Variants in KLRC1 observed in about 807,000 individuals in gnomAD.
KLRC1 encodes the protein killer cell lectin like receptor C1.
A neutral mutation model predicts 25.9 loss-of-function variants in KLRC1; 22 were observed. The ratio of observed to expected loss-of-function variants is 0.85; its 90% CI spans 0.61 to 1.21. The LOEUF (loss-of-function observed/expected upper bound fraction) is 1.21. Among genes scored for constraint, KLRC1 ranks in the 50% most tolerant of loss-of-function variants. The pLI is 0.00. For synonymous variants in KLRC1, 77 were observed against 93.1 expected, an observed-to-expected ratio of 0.83 and a Z score of 0.99; for missense variants, 240 against 272.2, an observed-to-expected ratio of 0.88 and a Z score of 0.83.
chr12:10,451,279 A>T lies in KLRC1; in HGVS notation c.-31-92T>A, dbSNP rs992565303. ...GGGTGAGGTGGAGAACGAGTATTGG[A>T]GCTCATTTTGCATTAAATAATCTAA... On this transcript the variant is annotated intron_variant, in intron 1 of 6. Transcript: ENST00000359151. The T allele has an allele frequency of 1.6e-5, 10 of 616,718 alleles. No individual in the cohort carries two copies. The African/African-American group carries it at 1.9e-4, about 12-fold the overall frequency. 38.2% of individuals were successfully genotyped at this position (616,718 alleles called of 1,614,324 possible).
intron 3 of KLRC1, 57 bp downstream of exon 3, chr12:10,450,427 G>T: frequency 1.1e-6 from 1 of 910,608 alleles, no homozygotes; most frequent in South Asian, 1.4e-5. Flanking sequence ...AATGTTTAGA[G>T]GCACATTCAA....
chr12:10,449,671 A>C (rs577384046), intron 4 of KLRC1, among the ~76,000 whole-genome samples: 47 of 152,246 alleles, frequency 3.1e-4, no homozygotes, highest in African/African-American at 1.1e-3. Flanking sequence ...CTGATTTTTA[A>C]GGAACAATAA....
Position 10,446,440 on chromosome 12 carries a change from T to A in KLRC1, c.*111A>T. 1 of 1,432,856 alleles carries A rather than the reference T, an allele frequency of 7.0e-7. No individual in the cohort carries two copies. The highest frequency in any genetic ancestry group is 9.2e-7 in the Non-Finnish European group (1 of 1,085,486). The allele number at this position is 1,432,856 out of a possible 1,614,324, so 88.8% of individuals were successfully genotyped here. On this transcript the variant is annotated 3_prime_UTR_variant, in exon 7 of 7. Coordinates refer to ENST00000359151, the MANE Select transcript of KLRC1 (RefSeq NM_002259.5). Reference sequence around the variant, plus strand: ...TTTCAATAATTGATTTAGAATTTTCTTATTAGAGCAAATAACATAATTCAT... The same window carrying A: ...TTTCAATAATTGATTTAGAATTTTCATATTAGAGCAAATAACATAATTCAT...
intron 1 of KLRC1, among the ~76,000 whole-genome samples, chr12:10,451,655 C>CAA (rs5796395): frequency 1.8e-4 from 27 of 147,694 alleles, no homozygotes; most frequent in South Asian, 6.4e-4. Context: ...GACTCCGACT[C>CAA]AAAAAAAAAA....
At chr12:10,454,607 T>TG (rs1483482479), upstream of KLRC1, 4 of 985,322 alleles carry the variant, frequency 4.1e-6, no homozygotes, top group Non-Finnish European at 4.8e-6. Flanking sequence ...TCTGTACCTC[T>TG]GGGGCATGCT....
intron 5 of KLRC1, among the ~76,000 whole-genome samples, chr12:10,449,006 A>G (rs1283795315): frequency 6.6e-6 from 1 of 152,226 alleles, no homozygotes; most frequent in East Asian, 1.9e-4. Flanking sequence ...TTGTGGATTG[A>G]AAGCATTTCT....
chr12:10,449,925 C>A lies in KLRC1; in HGVS notation c.326G>T (p.Arg109Ile). 1 of 1,483,464 alleles carries A rather than the reference C, an allele frequency of 6.7e-7. No individual in the cohort carries two copies. Among genetic ancestry groups the A allele is most frequent in the East Asian group, 2.5e-5 (1 of 39,918 alleles). 91.9% of individuals were successfully genotyped at this position (1,483,464 alleles called of 1,614,324 possible). Reference sequence around the variant, plus strand: ...AAATTATTATATACCTTTCTGAGTTCTTGTATTCAGGGAAGAATTGTTGTG... The same window carrying A: ...AAATTATTATATACCTTTCTGAGTTATTGTATTCAGGGAAGAATTGTTGTG... The part of the protein sequence containing the change: ...QRHNNSSLNT[R>I]TQKARHCGHC... The change falls in exon 4 of 7, where the codon AGA becomes ATA. Residue 109 changes from arginine to isoleucine, a missense_variant. Arg to Ile is a moderately conservative substitution (Grantham distance 97). Coordinates refer to ENST00000359151, the MANE Select transcript of KLRC1 (RefSeq NM_002259.5).
Position 10,449,930 on chromosome 12 carries a change from A to T in KLRC1, c.321T>A (p.Asn107Lys), listed in dbSNP as rs776358075. The T allele has an allele frequency of 1.3e-6, 2 of 1,490,794 alleles. No homozygotes were observed. The highest frequency in any genetic ancestry group is 4.9e-5 in the East Asian group (2 of 40,418). The allele number at this position is 1,490,794 out of a possible 1,614,324, so 92.3% of individuals were successfully genotyped here. A position where few individuals can be genotyped will look rare whatever the true frequency, so the allele number is the denominator to read the frequency against. The change falls in exon 4 of 7, where the codon AAT (asparagine) becomes AAA (lysine). Residue 107 changes from asparagine to lysine, a missense_variant. Physicochemically the swap from Asn to Lys is moderately conservative, Grantham distance 94. Coordinates refer to ENST00000359151, the MANE Select transcript of KLRC1 (RefSeq NM_002259.5). Reference sequence around the variant, plus strand: ...ATTATATACCTTTCTGAGTTCTTGTATTCAGGGAAGAATTGTTGTGCCTCT... The same window carrying T: ...ATTATATACCTTTCTGAGTTCTTGTTTTCAGGGAAGAATTGTTGTGCCTCT... ...LIQRHNNSSL[N>K]TRTQKARHCG...
chr12:10,445,834 A>G (rs1178015238), downstream of KLRC1, among the ~76,000 whole-genome samples: 2 of 152,132 alleles, frequency 1.3e-5, no homozygotes, highest in African/African-American at 4.8e-5. Flanking sequence ...ACAAAAGCAT[A>G]AATGTAAAAT....
chr12:10,453,433 A>G (rs984965630), upstream of KLRC1: 13 of 856,984 alleles, frequency 1.5e-5, no homozygotes, highest in Non-Finnish European at 1.8e-5. Flanking sequence ...AATTCTACAC[A>G]TGGGCTATTG....
At chr12:10,448,363 C>T (rs969154810) in intron 5 of KLRC1, among the ~76,000 whole-genome samples, 1 of 152,170 alleles carries the variant, frequency 6.6e-6, no homozygotes, top group African/African-American at 2.4e-5. Flanking sequence ...GGAGGCCCAG[C>T]AAAGCTCACT....
Position 10,450,076 on chromosome 12 carries a change from G to C in KLRC1, c.284-109C>G, listed in dbSNP as rs1864089916. 4.7e-6 allele frequency: 4 copies of C among 856,302 alleles called. No homozygotes were observed. The South Asian group carries it at 1.3e-4, about 27-fold the overall frequency. The allele number at this position is 856,302 out of a possible 1,614,324, so 53.0% of individuals were successfully genotyped here. On this transcript the variant is annotated intron_variant, in intron 3 of 6. Transcript: ENST00000359151. The stretch of plus-strand genomic sequence containing the variant: ...GTATTATTTAGAGTTAGAATAATAT[G>C]GAATAAAATTGATTTTAAGAAAAAT...
intron 5 of KLRC1, among the ~76,000 whole-genome samples, chr12:10,448,129 C>T (rs1279520848): frequency 6.8e-6 from 1 of 146,474 alleles, no homozygotes; most frequent in South Asian, 2.2e-4. Flanking sequence ...GGTGTAGACT[C>T]GTCTCTCTCT....
chr12:10,447,454 A>T (rs1363682436), intron 6 of KLRC1, 78 bp downstream of exon 6: 10 of 1,222,094 alleles, frequency 8.2e-6, no homozygotes, highest in South Asian at 2.9e-5. Flanking sequence ...ATGATTCCAC[A>T]TAGATTTATT....
chr12:10,449,472 C>G, intron 4 of KLRC1, 84 bp from the exon 5 acceptor site: 2 of 1,557,694 alleles, frequency 1.3e-6, no homozygotes, highest in Non-Finnish European at 1.7e-6. Context: ...AACATATAAA[C>G]CTATACGTAT....
In KLRC1 at chr12:10,450,523, T is replaced by A. The variant is rs1192214137; in HGVS notation, c.244A>T (p.Ile82Phe). 1.2e-6 allele frequency: 2 copies of A among 1,611,284 alleles called. No individual in the cohort carries two copies. The highest frequency in any genetic ancestry group is 1.3e-5 in the African/African-American group (1 of 74,854). Reference sequence around the variant, plus strand: ...ATCGTTACCACAGAGGCCATTAAGATAAGACAGATAATTCCCAGGATCCCA... The same window carrying A: ...ATCGTTACCACAGAGGCCATTAAGAAAAGACAGATAATTCCCAGGATCCCA... Reference protein sequence around the residue: ...IVGILGIICLILMASVVTIVV... With the variant: ...IVGILGIICLFLMASVVTIVV... Residue 82 changes from isoleucine to phenylalanine, a missense_variant, in exon 3 of 7, where the codon ATC becomes TTC. Transcript: ENST00000359151.
At chr12:10,451,388 T>G (rs1864123033) in intron 1 of KLRC1, 1 of 301,708 alleles carries the variant, frequency 3.3e-6, no homozygotes. Flanking sequence ...CCGGGCGCGG[T>G]GGCTCACGCC....
chr12:10,450,180 T>A (rs1864091827), intron 3 of KLRC1: 2 of 441,666 alleles, frequency 4.5e-6, no homozygotes, highest in Admixed American at 8.4e-5. Flanking sequence ...ATATAGTTCT[T>A]ATAATTCTTG....
downstream of KLRC1, among the ~76,000 whole-genome samples, chr12:10,445,164 G>A (rs1863960887): frequency 6.6e-6 from 1 of 151,354 alleles, no homozygotes; most frequent in South Asian, 2.1e-4. Context: ...CTGATCCACC[G>A]GCCTCAGTCT....
Sources: allele counts gnomAD v4.1 joint callset (sites outside exome capture counted in the v4.1 genomes callset), GRCh38; gene constraint gnomAD v4.1.1; transcripts MANE v1.5; gene names NCBI Gene and HGNC (gene_info 2026-07-23, HGNC 2026-07-21).